AAK1: variants seen among roughly 807,000 people sequenced by gnomAD.
AAK1 encodes AP2-associated protein kinase 1.
AAK1 carries 37 observed loss-of-function variants against 116.0 expected under a neutral mutation model. That is an observed-to-expected ratio of 0.32 (90% CI 0.25 to 0.42). AAK1 has a LOEUF of 0.42. AAK1 is among the 10% of genes least tolerant of loss of function. The probability of loss-of-function intolerance (pLI) is 1.00; values close to 1 mark genes in which losing one functional copy is unlikely to be tolerated. For synonymous variants in AAK1, 458 were observed against 439.9 expected (o/e 1.04, Z -0.51); for missense variants, 919 against 1,170.6 (o/e 0.79, Z 3.14).
chr2:69,587,608 G>A (rs1246139500), intron 2 of AAK1, among the ~76,000 whole-genome samples: 2 of 151,928 alleles, frequency 1.3e-5, no homozygotes, highest in African/African-American at 4.8e-5. Context: ...TGGTATTACA[G>A]GGGCATGCCA....
At chr2:69,640,047 ACACACACT>A (rs753064513) in intron 2 of AAK1, among the ~76,000 whole-genome samples, 7,023 of 134,340 alleles carry the variant, frequency 0.052, 141 homozygotes, top group African/African-American at 0.083. Context: ...ACACACACAC[ACACACACT>A]CTCTCTCTCT....
intron 17 of AAK1, among the ~76,000 whole-genome samples, chr2:69,484,531 G>A (rs927577160): frequency 3.3e-5 from 5 of 152,086 alleles, no homozygotes; most frequent in African/African-American, 1.2e-4. Context: ...AGTGGCTCAC[G>A]CCTGTAATCC....
chr2:69,605,554 C>T (rs555930416), intron 2 of AAK1, among the ~76,000 whole-genome samples: 5 of 152,272 alleles, frequency 3.3e-5, no homozygotes, highest in East Asian at 1.9e-4. Flanking sequence ...TATGGTACAA[C>T]GTCAAAACCA....
intron 2 of AAK1, among the ~76,000 whole-genome samples, chr2:69,642,163 C>T (rs539170110): frequency 1.3e-5 from 2 of 151,500 alleles, no homozygotes; most frequent in South Asian, 2.1e-4. Flanking sequence ...TCTCTGATAG[C>T]GAAAAAACAA....
chr2:69,640,084 C>G (rs959114894), intron 2 of AAK1, among the ~76,000 whole-genome samples: 4 of 151,604 alleles, frequency 2.6e-5, no homozygotes, highest in African/African-American at 7.3e-5. Context: ...CTCTCTCCCC[C>G]CCCACATATA....
rs755852680 is a variant in AAK1 at position 69,478,951 on chromosome 2, C to A, written c.2680G>T (p.Ala894Ser). ...PTAISAPVHK[A>S]AEDSNLISGF... Reference sequence around the variant, plus strand: ...GGCCTGAGAAGAAGAAAGCATTTACCTTTATGGACTGGAGCAGAGATTGCT... The same window carrying A: ...GGCCTGAGAAGAAGAAAGCATTTACATTTATGGACTGGAGCAGAGATTGCT... The change falls in exon 20 of 22, where the codon GCT becomes TCT. Residue 894 changes from alanine to serine, a missense_variant and splice_region_variant. Coordinates refer to ENST00000409085, the MANE Select transcript of AAK1 (RefSeq NM_014911.5). 2.0e-5 allele frequency: 32 copies of A among 1,607,526 alleles called. No homozygotes were observed. Among genetic ancestry groups the A allele is most frequent in the Non-Finnish European group, 2.5e-5 (29 of 1,174,230 alleles).
Position 69,514,624 on chromosome 2 carries a change from T to TTGC in AAK1, c.1622_1623insGCA (p.Gln546dup), listed in dbSNP as rs1189165031. ...CTGTGGCCAGCTGTTGCTGTTGCTGTTGTTGTTGCTGCTGCTGCTGCTGCT... is the reference window on the plus strand; with the variant it reads ...CTGTGGCCAGCTGTTGCTGTTGCTGTTGCTGTTGTTGCTGCTGCTGCTGCTGCT... On this transcript the variant is annotated inframe_insertion, in exon 13 of 22. Coordinates refer to ENST00000409085, the MANE Select transcript of AAK1 (RefSeq NM_014911.5). 8.6e-6 allele frequency: 5 copies of TTGC among 581,004 alleles called. No homozygotes were observed. Among genetic ancestry groups the TTGC allele is most frequent in the African/African-American group, 2.2e-5 (1 of 46,324 alleles). The allele number at this position is 581,004 out of a possible 1,614,324, so 36.0% of individuals were successfully genotyped here. A position where few individuals can be genotyped will look rare whatever the true frequency, so the allele number is the denominator to read the frequency against.
intron 5 of AAK1, among the ~76,000 whole-genome samples, chr2:69,532,540 T>C (rs1023162449): frequency 2.6e-5 from 4 of 152,136 alleles, no homozygotes; most frequent in African/African-American, 4.8e-5. Flanking sequence ...CCCACCTCCT[T>C]AGCCAACTAT....
intron 17 of AAK1, among the ~76,000 whole-genome samples, chr2:69,491,091 T>TA (rs1350282329): frequency 6.6e-6 from 1 of 151,766 alleles, no homozygotes; most frequent in Non-Finnish European, 1.5e-5. Flanking sequence ...CATGCAGCAC[T>TA]ATGCCTGGCT....
At position 69,462,188 on chromosome 2, in the gene AAK1, A is replaced by AGAACAC. The variant is rs1252643550; in HGVS notation, c.*13680_*13681insGTGTTC. 1 of 122,760 alleles carries AGAACAC rather than the reference A, an allele frequency of 8.1e-6. No homozygotes were observed. The highest frequency in any genetic ancestry group is 1.6e-5 in the Non-Finnish European group (1 of 62,264). 7.6% of individuals were successfully genotyped at this position (122,760 alleles called of 1,614,324 possible). ...AACAAAGAGAACACATGGACACAGT[A>AGAACAC]AGGGGAACATCACACTCTGGGGACT... On this transcript the variant is annotated 3_prime_UTR_variant, in exon 22 of 22. Transcript: ENST00000409085.
rs199727001 is a variant in AAK1, at chr2:69,556,942, T to C, written c.200A>G (p.Asn67Ser). ...FAIVFLVRTS[N>S]GMKCALKRMF... ...GCGTTTCAAGGCACATTTCATCCCATTGCTTGTCCTCACCAGAAATACAAT... is the reference window on the plus strand; with the variant it reads ...GCGTTTCAAGGCACATTTCATCCCACTGCTTGTCCTCACCAGAAATACAAT... The change falls in exon 3 of 22, where the codon AAT becomes AGT. Residue 67 changes from asparagine to serine, a missense_variant. Coordinates refer to ENST00000409085, the MANE Select transcript of AAK1 (RefSeq NM_014911.5). 266 of 1,613,924 alleles carry C rather than the reference T, an allele frequency of 1.6e-4. No individual in the cohort carries two copies. Among genetic ancestry groups the C allele is most frequent in the Non-Finnish European group, 2.1e-4 (250 of 1,179,810 alleles).
At chr2:69,586,337 G>A (rs1032350985) in intron 2 of AAK1, among the ~76,000 whole-genome samples, 1 of 152,168 alleles carries the variant, frequency 6.6e-6, no homozygotes, top group Non-Finnish European at 1.5e-5. Context: ...GAGGCAGAAA[G>A]GCAGGCAGGG....
chr2:69,600,714 G>A (rs1023456473), intron 2 of AAK1, among the ~76,000 whole-genome samples: 3 of 152,220 alleles, frequency 2.0e-5, no homozygotes, highest in African/African-American at 7.2e-5. Flanking sequence ...AGCAGCAGCA[G>A]AGTTTGGGAG....
At chr2:69,499,790 T>A (rs1410103086) in intron 16 of AAK1, 1 of 152,218 alleles carries the variant, frequency 6.6e-6, no homozygotes, top group African/African-American at 2.4e-5. Flanking sequence ...TAAGTCATAT[T>A]TGAAAAAAAT....
At position 69,460,188 on chromosome 2, in the gene AAK1, T is replaced by A. The variant is rs537795841; in HGVS notation, c.*15681A>T. The stretch of plus-strand genomic sequence containing the variant: ...CAGTCGACTGGCACGTGTTCTCCAA[T>A]TTCAGTTCCAAACACACAACACAGA... On this transcript the variant is annotated 3_prime_UTR_variant, in exon 22 of 22. Coordinates refer to ENST00000409085, the MANE Select transcript of AAK1 (RefSeq NM_014911.5). The A allele has an allele frequency of 1.1e-3, 161 of 152,692 alleles. No homozygotes were observed. The highest frequency in any genetic ancestry group is 3.6e-3 in the African/African-American group (151 of 41,570). 9.5% of individuals were successfully genotyped at this position (152,692 alleles called of 1,614,324 possible).
In AAK1 at chr2:69,472,293, G is replaced by A. The variant is rs1196774314; in HGVS notation, c.*3576C>T. 2.3e-6 allele frequency: 1 copy of A among 427,358 alleles called. No individual in the cohort carries two copies. The allele number at this position is 427,358 out of a possible 1,614,324, so 26.5% of individuals were successfully genotyped here. A position where few individuals can be genotyped will look rare whatever the true frequency, so the allele number is the denominator to read the frequency against. ...ATGGCTAAATGTTACTCAGAACCAA[G>A]AGTAGTAGAAAAAGTAGACAAAGAA... is the stretch of plus-strand genomic sequence containing the variant. On this transcript the variant is annotated 3_prime_UTR_variant, in exon 22 of 22. Coordinates refer to ENST00000409085, the MANE Select transcript of AAK1 (RefSeq NM_014911.5).
intron 3 of AAK1, among the ~76,000 whole-genome samples, chr2:69,553,764 T>A (rs1572951397): frequency 2.0e-5 from 3 of 149,966 alleles, no homozygotes; most frequent in South Asian, 2.2e-4. Context: ...TTCAAAAAAA[T>A]TTATCTACCA....
chr2:69,458,017 T>A lies in AAK1; in HGVS notation c.*17852A>T, dbSNP rs1674253440. ...ATAAATCACTTAATTAGGTCCATTTTAATAAAGGGTATAGGAGTTTACAAC... is the reference window on the plus strand; with the variant it reads ...ATAAATCACTTAATTAGGTCCATTTAAATAAAGGGTATAGGAGTTTACAAC... On this transcript the variant is annotated 3_prime_UTR_variant, in exon 22 of 22. Coordinates refer to ENST00000409085, the MANE Select transcript of AAK1 (RefSeq NM_014911.5). 1 of 152,168 alleles carries A rather than the reference T, an allele frequency of 6.6e-6. No homozygotes were observed. The highest frequency in any genetic ancestry group is 2.4e-5 in the African/African-American group (1 of 41,428). The allele number at this position is 152,168 out of a possible 1,614,324, so 9.4% of individuals were successfully genotyped here. A position where few individuals can be genotyped will look rare whatever the true frequency, so the allele number is the denominator to read the frequency against.
chr2:69,470,771 T>C lies in AAK1; in HGVS notation c.*5098A>G, dbSNP rs1674648478. On this transcript the variant is annotated 3_prime_UTR_variant, in exon 22 of 22. Transcript: ENST00000409085. The stretch of plus-strand genomic sequence containing the variant: ...CTCAGGTAGCCATGATTCATTAATA[T>C]GTCCTCAGTGTGTAGCTATACTTTT... 3 of 985,792 alleles carry C rather than the reference T, an allele frequency of 3.0e-6. No individual in the cohort carries two copies. Among genetic ancestry groups the C allele is most frequent in the Non-Finnish European group, 3.6e-6 (3 of 829,928 alleles). 61.1% of individuals were successfully genotyped at this position (985,792 alleles called of 1,614,324 possible). A position where few individuals can be genotyped will look rare whatever the true frequency, so the allele number is the denominator to read the frequency against.
Sources: gnomAD v4.1 joint callset for allele counts (sites outside exome capture counted in the v4.1 genomes callset) on GRCh38, gnomAD v4.1.1 for gene constraint, MANE v1.5 for transcripts, NCBI Gene and HGNC (gene_info 2026-07-23, HGNC 2026-07-21) for gene names.